Variants in SYNPR observed in about 807,000 individuals in gnomAD.
SYNPR encodes the protein synaptoporin.
SYNPR carries 23 observed loss-of-function variants against 32.9 expected under a neutral mutation model. The observed-to-expected ratio is 0.70, with a 90% CI of 0.50 to 0.99. The LOEUF (loss-of-function observed/expected upper bound fraction) is 0.99. SYNPR is among the 50% of genes least tolerant of loss of function. The probability of loss-of-function intolerance (pLI) is 0.00; values close to 1 mark genes in which losing one functional copy is unlikely to be tolerated. For missense variants in SYNPR, 318 were observed against 349.3 expected (o/e 0.91, Z 0.71); for synonymous variants, 146 against 135.9 (o/e 1.07, Z -0.52).
intron 4 of SYNPR, among the ~76,000 whole-genome samples, chr3:63,601,923 G>T (rs183619342): frequency 1.1e-4 from 16 of 152,272 alleles, no homozygotes; most frequent in African/African-American, 3.9e-4. Flanking sequence ...TTTCCACAAT[G>T]GTTGAACTAG....
chr3:63,210,853 T>G, the SYNPR span, among the ~76,000 whole-genome samples: 1 of 151,442 alleles, frequency 6.6e-6, no homozygotes, highest in Admixed American at 6.6e-5. Flanking sequence ...CTCACTTCCT[T>G]TTTAAAAACT....
intron 2 of SYNPR, among the ~76,000 whole-genome samples, chr3:63,378,671 C>T (rs139206457): frequency 1.3e-3 from 191 of 152,080 alleles, no homozygotes; most frequent in African/African-American, 3.8e-3. Flanking sequence ...GCTGGAGATA[C>T]GCCTGTATTA....
At chr3:63,222,082 A>G in the SYNPR span, among the ~76,000 whole-genome samples, 2 of 130,618 alleles carry the variant, frequency 1.5e-5, no homozygotes, top group Admixed American at 1.9e-4. Flanking sequence ...TTCAGGTTTA[A>G]CGGCAAGTGA....
At chr3:63,258,772 A>G (rs572512694) in intron 2 of SYNPR, among the ~76,000 whole-genome samples, 10 of 152,334 alleles carry the variant, frequency 6.6e-5, no homozygotes, top group Non-Finnish European at 1.3e-4. Context: ...AAAAAAATCA[A>G]TGAATCCAGG....
At chr3:63,606,252 G>A (rs2367901) in intron 4 of SYNPR, among the ~76,000 whole-genome samples, 88,164 of 151,502 alleles carry the variant, frequency 0.58, 25,736 homozygotes, top group Middle Eastern at 0.61. Flanking sequence ...TATTACTGAT[G>A]CCTCTTTACA....
chr3:63,411,756 A>G (rs1463979757), intron 2 of SYNPR, among the ~76,000 whole-genome samples: 2 of 152,192 alleles, frequency 1.3e-5, no homozygotes, highest in African/African-American at 2.4e-5. Context: ...GAAGAATGGA[A>G]TAAGATCTGG....
chr3:63,539,679 A>G (rs1218652441), intron 3 of SYNPR, among the ~76,000 whole-genome samples: 1 of 152,108 alleles, frequency 6.6e-6, no homozygotes, highest in Non-Finnish European at 1.5e-5. Context: ...AGGCACAAGG[A>G]GCCTTTATAG....
At chr3:63,527,155 G>T (rs562020470) in intron 3 of SYNPR, among the ~76,000 whole-genome samples, 5 of 152,176 alleles carry the variant, frequency 3.3e-5, no homozygotes, top group Admixed American at 2.6e-4. Context: ...AAACCCAGGC[G>T]GAATAGTAGC....
chr3:63,356,417 G>A (rs998327159), intron 2 of SYNPR, among the ~76,000 whole-genome samples: 1 of 152,178 alleles, frequency 6.6e-6, no homozygotes, highest in Non-Finnish European at 1.5e-5. Flanking sequence ...TAGACAGTAT[G>A]GTAAGTGCTT....
intron 4 of SYNPR, among the ~76,000 whole-genome samples, chr3:63,592,296 C>T (rs966671361): frequency 6.6e-6 from 1 of 152,270 alleles, no homozygotes; most frequent in South Asian, 2.1e-4. Flanking sequence ...GAGTAAACTT[C>T]TGTTGTTTTA....
Position 63,556,731 on chromosome 3 carries a change from G to A in SYNPR, c.398G>A (p.Gly133Asp). The A allele has an allele frequency of 6.2e-7, 1 of 1,611,652 alleles. No individual in the cohort carries two copies. Residue 133 changes from glycine to aspartate, a missense_variant, in exon 4 of 6, where the codon GGC becomes GAC. Transcript: ENST00000478300. ...AACAAATACCGGGAAAACAACCGGG[G>A]CCCACTCATTGTAAGTGGTTTTCTT... ...FQNKYRENNR[G>D]PLIDFIVTVV... is the part of the protein sequence containing the mutation.
chr3:63,464,349 T>G (rs1700640399), intron 2 of SYNPR, among the ~76,000 whole-genome samples: 1 of 152,188 alleles, frequency 6.6e-6, no homozygotes, highest in African/African-American at 2.4e-5. Context: ...GGTCCCTGCC[T>G]CAAAGGGCTT....
chr3:63,462,818 A>G lies in SYNPR; in HGVS notation c.85-18014A>G, dbSNP rs146635861. ...TATGCAGTTACAACCAATCTCTGCT[A>G]AGGAAGTCAAAACACCATAAAATTT... On this transcript the variant is annotated intron_variant, in intron 2 of 5. Coordinates refer to ENST00000478300, the MANE Select transcript of SYNPR (RefSeq NM_001130003.2). Among the ~76,000 whole-genome samples, 22 of 152,280 alleles carry G rather than the reference A, an allele frequency of 1.4e-4. No individual in the cohort carries two copies. In the East Asian group the frequency reaches 3.1e-3, roughly 21 times the overall value.
intron 4 of SYNPR, among the ~76,000 whole-genome samples, chr3:63,600,859 T>C (rs1173824981): frequency 6.6e-6 from 1 of 152,158 alleles, no homozygotes; most frequent in Non-Finnish European, 1.5e-5. Flanking sequence ...CAGTTCTTCA[T>C]AGCAACATAA....
At chr3:63,575,711 T>A (rs138986078) in intron 4 of SYNPR, among the ~76,000 whole-genome samples, 41 of 152,136 alleles carry the variant, frequency 2.7e-4, no homozygotes, top group Non-Finnish European at 5.7e-4. Context: ...TCTCAGTGGA[T>A]AGAAAGAGTT....
chr3:63,402,142 A>G (rs1380634487), intron 2 of SYNPR, among the ~76,000 whole-genome samples: 1 of 152,166 alleles, frequency 6.6e-6, no homozygotes, highest in Non-Finnish European at 1.5e-5. Flanking sequence ...AGGTTTGAAG[A>G]AGACACTTTC....
chr3:63,336,367 C>T (rs933836035), intron 2 of SYNPR, among the ~76,000 whole-genome samples: 3 of 151,416 alleles, frequency 2.0e-5, no homozygotes, highest in African/African-American at 4.9e-5. Flanking sequence ...AAATATTCAT[C>T]AAAATGTTAA....
chr3:63,310,622 T>C (rs2086954640), intron 2 of SYNPR, among the ~76,000 whole-genome samples: 1 of 151,998 alleles, frequency 6.6e-6, no homozygotes, highest in Non-Finnish European at 1.5e-5. Flanking sequence ...GGGAAGAATA[T>C]CTTTCCTTGC....
Position 63,486,877 on chromosome 3 carries a change from C to A in SYNPR, c.209+5921C>A, listed in dbSNP as rs1355680985. On this transcript the variant is annotated intron_variant, in intron 3 of 5. Transcript: ENST00000478300. The stretch of plus-strand genomic sequence containing the variant: ...TGGGAGGTTTTTCCCAGTTGGCAGT[C>A]ATAGTAGGGTGTCCTTCAATGTCAG... Among the ~76,000 whole-genome samples the A allele has an allele frequency of 2.0e-5, 3 of 152,062 alleles. No individual in the cohort carries two copies. In the East Asian group the frequency reaches 5.8e-4, roughly 29 times the overall value.
Sources: allele counts gnomAD v4.1 joint callset (sites outside exome capture counted in the v4.1 genomes callset), GRCh38; gene constraint gnomAD v4.1.1; transcripts MANE v1.5; gene names NCBI Gene and HGNC (gene_info 2026-07-23, HGNC 2026-07-21).